The following WDR70 variants were observed in gnomAD, a reference collection of about 807,000 sequenced individuals.
WDR70 encodes WD repeat-containing protein 70.
WDR70 carries 53 observed loss-of-function variants against 88.6 expected under a neutral mutation model. That is an observed-to-expected ratio of 0.60 (90% CI 0.48 to 0.75). The LOEUF (loss-of-function observed/expected upper bound fraction) is 0.75. WDR70 is among the 30% of genes least tolerant of loss of function. WDR70 has a pLI of 0.00. For missense variants in WDR70, 610 were observed against 823.2 expected (o/e 0.74, Z 3.17); for synonymous variants, 280 against 270.0 (o/e 1.04, Z -0.36).
chr5:37,519,478 G>A (rs1380445871), intron 9 of WDR70, among the ~76,000 whole-genome samples: 2 of 136,522 alleles, frequency 1.5e-5, no homozygotes, highest in East Asian at 2.3e-4. Context: ...GGGCGGAGGC[G>A]CTCCTACATC....
intron 10 of WDR70, among the ~76,000 whole-genome samples, chr5:37,686,635 G>T (rs963584305): frequency 1.3e-5 from 2 of 152,094 alleles, no homozygotes; most frequent in Non-Finnish European, 2.9e-5. Flanking sequence ...TACTTGGGAG[G>T]CTGAGGCAGG....
At chr5:37,415,313 G>A (rs1360300746) in intron 5 of WDR70, among the ~76,000 whole-genome samples, 1 of 151,198 alleles carries the variant, frequency 6.6e-6, no homozygotes, top group Non-Finnish European at 1.5e-5. Flanking sequence ...TCCCAGACGG[G>A]GTGGTGGCCG....
At chr5:37,718,700 A>G (rs1031079568) in intron 13 of WDR70, among the ~76,000 whole-genome samples, 1 of 152,204 alleles carries the variant, frequency 6.6e-6, no homozygotes, top group Non-Finnish European at 1.5e-5. Context: ...TAATGATTTT[A>G]ATTTGAAAAT....
At chr5:37,554,842 A>T (rs1004921459) in intron 9 of WDR70, among the ~76,000 whole-genome samples, 4 of 152,072 alleles carry the variant, frequency 2.6e-5, no homozygotes, top group African/African-American at 7.2e-5. Flanking sequence ...GAGTATTGGG[A>T]CTACAGTTAT....
intron 5 of WDR70, among the ~76,000 whole-genome samples, chr5:37,417,211 TA>T (rs1561844509): frequency 1.3e-5 from 2 of 152,206 alleles, no homozygotes; most frequent in Non-Finnish European, 2.9e-5. Flanking sequence ...ATAGTCTCTT[TA>T]CTTACAAGTT....
chr5:37,446,855 A>C (rs1427947928), intron 7 of WDR70, among the ~76,000 whole-genome samples: 1 of 152,228 alleles, frequency 6.6e-6, no homozygotes, highest in East Asian at 1.9e-4. Context: ...AAACCTAAGC[A>C]ATACCATTCA....
chr5:37,740,417 C>G (rs1247703575), intron 17 of WDR70, among the ~76,000 whole-genome samples: 1 of 152,232 alleles, frequency 6.6e-6, no homozygotes, highest in Non-Finnish European at 1.5e-5. Context: ...TATGCTCCTA[C>G]AAAACACTGG....
chr5:37,438,693 A>G (rs1035503825), intron 6 of WDR70, among the ~76,000 whole-genome samples: 1 of 152,186 alleles, frequency 6.6e-6, no homozygotes, highest in Non-Finnish European at 1.5e-5. Context: ...ATATCAATCA[A>G]TAGAGGTAGA....
chr5:37,592,222 A>G (rs1255666081), intron 9 of WDR70, among the ~76,000 whole-genome samples: 1 of 152,258 alleles, frequency 6.6e-6, no homozygotes, highest in African/African-American at 2.4e-5. Flanking sequence ...TTATACACAT[A>G]GCCTGAAGGT....
At chr5:37,529,539 C>A (rs1030596290) in intron 9 of WDR70, among the ~76,000 whole-genome samples, 5 of 151,888 alleles carry the variant, frequency 3.3e-5, no homozygotes, top group African/African-American at 1.2e-4. Flanking sequence ...CTTTCATGTC[C>A]TTGGTTAGGT....
intron 10 of WDR70, among the ~76,000 whole-genome samples, chr5:37,639,706 A>G (rs1410890355): frequency 6.6e-6 from 1 of 152,098 alleles, no homozygotes; most frequent in Non-Finnish European, 1.5e-5. Context: ...TTTGATGGTG[A>G]TCATAATGAC....
At chr5:37,417,374 G>A (rs1749791979) in intron 5 of WDR70, among the ~76,000 whole-genome samples, 2 of 151,946 alleles carry the variant, frequency 1.3e-5, no homozygotes, top group Admixed American at 1.3e-4. Context: ...ACAGGTGGGC[G>A]CCACCATGCC....
chr5:37,509,312 C>G (rs1297182052), intron 8 of WDR70, among the ~76,000 whole-genome samples: 1 of 151,890 alleles, frequency 6.6e-6, no homozygotes, highest in Non-Finnish European at 1.5e-5. Flanking sequence ...CATTTTTATT[C>G]AGTTCACTTG....
intron 8 of WDR70, 130 bp from the exon 9 acceptor site, chr5:37,516,384 T>G (rs1740883901): frequency 2.0e-6 from 1 of 507,116 alleles, no homozygotes; most frequent in Non-Finnish European, 3.6e-6. Context: ...AATATAGGTT[T>G]ATAATTAAAA....
intron 13 of WDR70, among the ~76,000 whole-genome samples, chr5:37,707,222 A>G (rs1049306734): frequency 6.6e-6 from 1 of 152,168 alleles, no homozygotes; most frequent in Non-Finnish European, 1.5e-5. Context: ...GTATATTACC[A>G]TTTATATTTT....
intron 9 of WDR70, among the ~76,000 whole-genome samples, chr5:37,541,881 G>A (rs936277621): frequency 6.6e-6 from 1 of 152,206 alleles, no homozygotes; most frequent in African/African-American, 2.4e-5. Context: ...GCAATGGTGA[G>A]GAAAGTTAGG....
intron 9 of WDR70, among the ~76,000 whole-genome samples, chr5:37,541,435 TAAA>T (rs1315362924): frequency 6.6e-6 from 1 of 152,220 alleles, no homozygotes; most frequent in Non-Finnish European, 1.5e-5. Flanking sequence ...TGCTAATACT[TAAA>T]AAAGTACTTC....
At chr5:37,564,558 G>GGGGAGA (rs1175500475) in intron 9 of WDR70, among the ~76,000 whole-genome samples, 5 of 112,294 alleles carry the variant, frequency 4.5e-5, no homozygotes, top group Admixed American at 9.7e-5. Flanking sequence ...GGGAGACCGT[G>GGGGAGA]GGGAGAGGGA....
At chr5:37,563,751 T>C (rs376674803) in intron 9 of WDR70, among the ~76,000 whole-genome samples, 8,452 of 40,430 alleles carry the variant, frequency 0.21, 2,071 homozygotes, top group Non-Finnish European at 0.37. Flanking sequence ...CGGGCGGAGA[T>C]GCTCCTCACG....
Sources: allele counts gnomAD v4.1 joint callset (sites outside exome capture counted in the v4.1 genomes callset), GRCh38; gene constraint gnomAD v4.1.1; transcripts MANE v1.5; gene names NCBI Gene and HGNC (gene_info 2026-07-23, HGNC 2026-07-21).